The following KYNU variants were observed in gnomAD, a reference collection of about 807,000 sequenced individuals.
KYNU encodes the protein L-kynurenine hydrolase.
KYNU carries 54 observed loss-of-function variants against 59.2 expected under a neutral mutation model. The observed-to-expected ratio is 0.91, with a 90% confidence interval of 0.73 to 1.14. The LOEUF is 1.14. KYNU is among the 50% of genes most tolerant of loss of function. The probability of loss-of-function intolerance (pLI) is 0.00; values close to 1 mark genes in which losing one functional copy is unlikely to be tolerated. For synonymous variants in KYNU, 177 were observed against 192.0 expected (o/e 0.92, Z 0.65); for missense variants, 567 against 554.4 (o/e 1.02, Z -0.23).
rs1360718806 is a variant in KYNU at position 142,918,714 on chromosome 2, A to G, written c.275A>G (p.Asp92Gly). Reference sequence around the variant, plus strand: ...AAAACATATCTTGAAGAAGAACTAGATAAGTGGGCCAAAATGTAAGTATTA... The same window carrying G: ...AAAACATATCTTGAAGAAGAACTAGGTAAGTGGGCCAAAATGTAAGTATTA... ...MVKTYLEEEL[D>G]KWAKIAAYGH... Residue 92 changes from aspartate (D) to glycine (G), a missense_variant, in exon 3 of 14, where the codon GAT (aspartate) becomes GGT (glycine). Transcript: ENST00000264170. The G allele has an allele frequency of 2.0e-5, 32 of 1,611,710 alleles. No individual in the cohort carries two copies. Among genetic ancestry groups the G allele is most frequent in the Non-Finnish European group, 2.5e-5 (30 of 1,178,656 alleles).
intron 3 of KYNU, 24 bp downstream of exon 3, chr2:142,918,753 T>C (rs2104992580): frequency 6.2e-7 from 1 of 1,603,166 alleles, no homozygotes; most frequent in Admixed American, 1.7e-5. Flanking sequence ...TAAAAGCTAC[T>C]ACTCTACATC....
intron 10 of KYNU, among the ~76,000 whole-genome samples, chr2:143,006,501 G>C (rs1431352214): frequency 1.3e-4 from 12 of 93,104 alleles, no homozygotes; most frequent in Admixed American, 3.4e-4. Context: ...CATTGCCCAG[G>C]CTTGATTAGG....
intron 11 of KYNU, among the ~76,000 whole-genome samples, chr2:143,030,747 A>T (rs905328728): frequency 6.6e-6 from 1 of 151,514 alleles, no homozygotes; most frequent in Admixed American, 6.6e-5. Context: ...GTGCTCTTTG[A>T]CTTACAATGG....
At chr2:142,914,852 G>A (rs1487224997) in intron 2 of KYNU, among the ~76,000 whole-genome samples, 2 of 152,146 alleles carry the variant, frequency 1.3e-5, no homozygotes, top group South Asian at 4.1e-4. Context: ...AGGCACATGT[G>A]GGGACAAGAG....
chr2:142,892,382 A>G (rs1471820306), intron 2 of KYNU, among the ~76,000 whole-genome samples: 2 of 152,222 alleles, frequency 1.3e-5, no homozygotes, highest in Admixed American at 1.3e-4. Flanking sequence ...GTGACGTCCA[A>G]TCATGAAGAG....
chr2:142,920,852 C>CTGATCACCT (rs1285541454), intron 3 of KYNU, among the ~76,000 whole-genome samples: 2 of 152,198 alleles, frequency 1.3e-5, no homozygotes, highest in African/African-American at 2.4e-5. Context: ...TTTGGGATGC[C>CTGATCACCT]TGATCACCTG....
rs1391979281 is a variant in KYNU at position 143,042,089 on chromosome 2, C to T, written c.1315C>T (p.Pro439Ser). Residue 439 changes from proline to serine, a missense_variant, in exon 14 of 14, where the codon CCT becomes TCT. Coordinates refer to ENST00000264170, the MANE Select transcript of KYNU (RefSeq NM_003937.3). The part of the protein sequence containing the change: ...NPNGIRVAPV[P>S]LYNSFHDVYK... ...AAATGGCATTCGAGTGGCTCCAGTTCCTCTCTATAATTCTTTCCATGATGT... is the reference window on the plus strand; with the variant it reads ...AAATGGCATTCGAGTGGCTCCAGTTTCTCTCTATAATTCTTTCCATGATGT... 1 of 1,610,960 alleles carries T rather than the reference C, an allele frequency of 6.2e-7. No homozygotes were observed. Among genetic ancestry groups the T allele is most frequent in the Non-Finnish European group, 8.5e-7 (1 of 1,177,990 alleles).
At chr2:143,028,808 A>G (rs1012197336) in intron 10 of KYNU, among the ~76,000 whole-genome samples, 22 of 152,076 alleles carry the variant, frequency 1.4e-4, no homozygotes, top group African/African-American at 5.1e-4. Context: ...AGATTGCTCC[A>G]TTGCACTCCA....
chr2:142,946,809 C>T (rs1399204105), intron 4 of KYNU, among the ~76,000 whole-genome samples: 1 of 152,140 alleles, frequency 6.6e-6, no homozygotes, highest in African/African-American at 2.4e-5. Context: ...CCTTTCTAGC[C>T]ATAAAGTCCT....
intron 4 of KYNU, among the ~76,000 whole-genome samples, chr2:142,942,781 T>G (rs1271182826): frequency 6.6e-6 from 1 of 152,232 alleles, no homozygotes; most frequent in Non-Finnish European, 1.5e-5. Context: ...TTGGGTTTTG[T>G]ATTTTGGCAT....
In KYNU at chr2:143,033,359, G is replaced by GT. The variant is rs1214893300; in HGVS notation, c.1041+44dup. ...TGTTTCAACCTTCCCACATCTTTGC[G>GT]TTTTTTCTTGATCTGTTTGTGACAA... On this transcript the variant is annotated intron_variant, in intron 12 of 13. Coordinates refer to ENST00000264170, the MANE Select transcript of KYNU (RefSeq NM_003937.3). 2.8e-6 allele frequency: 4 copies of GT among 1,413,570 alleles called. No individual in the cohort carries two copies. The East Asian group carries it at 6.8e-5, about 24-fold the overall frequency. The allele number at this position is 1,413,570 out of a possible 1,614,324, so 87.6% of individuals were successfully genotyped here.
At chr2:142,893,358 G>T (rs954237698) in intron 2 of KYNU, among the ~76,000 whole-genome samples, 5 of 152,116 alleles carry the variant, frequency 3.3e-5, no homozygotes, top group Non-Finnish European at 4.4e-5. Context: ...CATATTCAAA[G>T]AAATCAGAGG....
chr2:142,934,420 T>C (rs770412205), intron 4 of KYNU, among the ~76,000 whole-genome samples: 5 of 152,090 alleles, frequency 3.3e-5, no homozygotes, highest in Admixed American at 6.6e-5. Flanking sequence ...CGTTGGGTAC[T>C]ATGGGGAACA....
At chr2:142,901,266 G>T (rs534902100) in intron 2 of KYNU, among the ~76,000 whole-genome samples, 1 of 152,246 alleles carries the variant, frequency 6.6e-6, no homozygotes, top group African/African-American at 2.4e-5. Flanking sequence ...TTGTTTAGTT[G>T]CAGGCAAAAG....
chr2:143,009,759 C>T (rs1449286195), intron 10 of KYNU, among the ~76,000 whole-genome samples: 14 of 105,638 alleles, frequency 1.3e-4, no homozygotes, highest in African/African-American at 5.8e-4. Context: ...GTTCAATATA[C>T]GCAAATCAAT....
intron 10 of KYNU, among the ~76,000 whole-genome samples, chr2:143,025,144 G>A (rs1297072938): frequency 6.6e-6 from 1 of 151,382 alleles, no homozygotes; most frequent in African/African-American, 2.4e-5. Flanking sequence ...TTTTTACTTG[G>A]CTTTTTCCAA....
intron 2 of KYNU, among the ~76,000 whole-genome samples, chr2:142,904,999 G>C (rs547885254): frequency 6.6e-6 from 1 of 152,090 alleles, no homozygotes; most frequent in Non-Finnish European, 1.5e-5. Flanking sequence ...ATAACAACCT[G>C]GCTGCCCATC....
chr2:142,906,115 CCTCT>C (rs1409250438), intron 2 of KYNU, among the ~76,000 whole-genome samples: 1 of 151,734 alleles, frequency 6.6e-6, no homozygotes, highest in African/African-American at 2.4e-5. Context: ...CTCTCTGTCT[CCTCT>C]CTGTCTCTGT....
At chr2:143,017,434 C>CTTTTTTCTTTTTTTTT (rs1558977527) in intron 10 of KYNU, among the ~76,000 whole-genome samples, 1 of 68,450 alleles carries the variant, frequency 1.5e-5, no homozygotes, top group Non-Finnish European at 2.6e-5. Flanking sequence ...TCTCTTTTTT[C>CTTTTTTCTTTTTTTTT]TTTTTTTTTT....
Sources: allele counts gnomAD v4.1 joint callset (sites outside exome capture counted in the v4.1 genomes callset), GRCh38; gene constraint gnomAD v4.1.1; transcripts MANE v1.5; gene names NCBI Gene and HGNC (gene_info 2026-07-23, HGNC 2026-07-21).